Variants in RAF1 observed in about 807,000 individuals in gnomAD.
The protein encoded by RAF1 is Raf-1 proto-oncogene, serine/threonine kinase, also known as RAF proto-oncogene serine/threonine-protein kinase.
Under a neutral mutation model 81.1 loss-of-function variants are expected in RAF1, and 27 were observed. The ratio of observed to expected loss-of-function variants is 0.33; its 90% CI spans 0.25 to 0.46. The LOEUF (loss-of-function observed/expected upper bound fraction) is 0.46. RAF1 is among the 20% of genes least tolerant of loss of function. The pLI is 1.00. For synonymous variants in RAF1, 298 were observed against 294.0 expected (o/e 1.01, Z -0.14); for missense variants, 598 against 826.0 (o/e 0.72, Z 3.38).
At chr3:12,626,735 A>G (rs1403721930) in intron 1 of RAF1, among the ~76,000 whole-genome samples, 1 of 152,102 alleles carries the variant, frequency 6.6e-6, no homozygotes, top group Admixed American at 6.6e-5. Context: ...TTTTTTAAAG[A>G]TAACTTCGCC....
intron 1 of RAF1, among the ~76,000 whole-genome samples, chr3:12,639,623 T>C (rs1004093927): frequency 1.3e-5 from 2 of 152,078 alleles, no homozygotes; most frequent in East Asian, 1.9e-4. Flanking sequence ...TCATTCACAA[T>C]TGCTTCAAAG....
Position 12,610,803 on chromosome 3 carries a change from C to T in RAF1, c.320+1147G>A, listed in dbSNP as rs531399802. On this transcript the variant is annotated intron_variant, in intron 3 of 17. Coordinates refer to ENST00000442415, the MANE Select transcript of RAF1 (RefSeq NM_001354689.3). ...CCCTTTAAAGGTTTCCCTATATTTT[C>T]GGGGTGGAGGGAATAATGGATAATG... Among the ~76,000 whole-genome samples, 8 of 152,226 alleles carry T rather than the reference C, an allele frequency of 5.3e-5. No homozygotes were observed. The South Asian group carries it at 1.2e-3, about 24-fold the overall frequency.
intron 2 of RAF1, among the ~76,000 whole-genome samples, chr3:12,614,478 G>A (rs1404896330): frequency 2.6e-5 from 4 of 151,962 alleles, no homozygotes; most frequent in Admixed American, 1.3e-4. Flanking sequence ...TGTCATCTAG[G>A]CTGGAATACA....
chr3:12,636,221 G>A (rs2060025149), intron 1 of RAF1, among the ~76,000 whole-genome samples: 1 of 151,744 alleles, frequency 6.6e-6, no homozygotes, highest in South Asian at 2.1e-4. Context: ...GGGAGGCAGA[G>A]GTTGCAGTGA....
chr3:12,635,789 C>T (rs1173170001), intron 1 of RAF1, among the ~76,000 whole-genome samples: 21 of 150,790 alleles, frequency 1.4e-4, no homozygotes, highest in African/African-American at 4.1e-4. Flanking sequence ...CTGGCTAACA[C>T]GGTGAAACCC....
chr3:12,584,513 A>G lies in RAF1; in HGVS notation c.*1T>C, dbSNP rs2058253711. 5.0e-6 allele frequency: 8 copies of G among 1,614,100 alleles called. No individual in the cohort carries two copies. The highest frequency in any genetic ancestry group is 1.3e-5 in the African/African-American group (1 of 74,928). Reference sequence around the variant, plus strand: ...CAGCCTGAAGACAGGTGCAAAGTCAACTAGAAGACAGGCAGCCTCGGGGAC... The same window carrying G: ...CAGCCTGAAGACAGGTGCAAAGTCAGCTAGAAGACAGGCAGCCTCGGGGAC... On this transcript the variant is annotated 3_prime_UTR_variant, in exon 18 of 18. Coordinates refer to ENST00000442415, the MANE Select transcript of RAF1 (RefSeq NM_001354689.3).
intron 2 of RAF1, among the ~76,000 whole-genome samples, chr3:12,617,864 G>C (rs1352330030): frequency 7.5e-6 from 1 of 132,854 alleles, no homozygotes; most frequent in Non-Finnish European, 1.5e-5. Context: ...GGGTGACAGA[G>C]TGAGAATCCG....
rs1199727149 is a variant in RAF1, at chr3:12,635,659, A to AAGAGAG, written c.-26-16918_-26-16913dup. Among the ~76,000 whole-genome samples, 10 of 123,736 alleles carry AAGAGAG rather than the reference A, an allele frequency of 8.1e-5. No homozygotes were observed. The Admixed American group carries it at 8.6e-4, about 11-fold the overall frequency. 81.2% of individuals were successfully genotyped at this position (123,736 alleles called of 152,430 possible). A position where few individuals can be genotyped will look rare whatever the true frequency, so the allele number is the denominator to read the frequency against. ...CTCCAAAAAAAAAAAAAAAAAAAAA[A>AAGAGAG]AGAGAGAGAGAGATTACTTTATAAA... On this transcript the variant is annotated intron_variant, in intron 1 of 17. Transcript: ENST00000442415.
chr3:12,592,913 G>A (rs2058564435), intron 11 of RAF1, among the ~76,000 whole-genome samples: 1 of 150,328 alleles, frequency 6.7e-6, no homozygotes, highest in Non-Finnish European at 1.5e-5. Context: ...TTTTTTGTGT[G>A]TGTTTTTAGT....
chr3:12,613,565 A>C (rs866127588), intron 2 of RAF1, among the ~76,000 whole-genome samples: 1 of 152,158 alleles, frequency 6.6e-6, no homozygotes, highest in African/African-American at 2.4e-5. Context: ...AGCCACCTCA[A>C]TGCCAATCCA....
intron 1 of RAF1, among the ~76,000 whole-genome samples, chr3:12,648,689 T>C (rs2060427693): frequency 6.6e-6 from 1 of 152,006 alleles, no homozygotes; most frequent in Admixed American, 6.6e-5. Flanking sequence ...GAGGTGGCTG[T>C]GAGCCGAGAT....
intron 1 of RAF1, among the ~76,000 whole-genome samples, chr3:12,629,354 C>T (rs1191668717): frequency 3.3e-5 from 5 of 152,126 alleles, no homozygotes; most frequent in Non-Finnish European, 7.3e-5. Context: ...CTAAAACTCA[C>T]TAGGCAACAA....
At chr3:12,636,819 A>G (rs1282978050) in intron 1 of RAF1, among the ~76,000 whole-genome samples, 1 of 152,124 alleles carries the variant, frequency 6.6e-6, no homozygotes, top group Admixed American at 6.6e-5. Context: ...AAAAAAAAGA[A>G]AGAAAGAAAA....
chr3:12,619,997 G>A (rs1402238520), intron 1 of RAF1, among the ~76,000 whole-genome samples: 1 of 152,002 alleles, frequency 6.6e-6, no homozygotes, highest in Admixed American at 6.6e-5. Flanking sequence ...CAGGGGAATG[G>A]CGTGAACCCG....
intron 1 of RAF1, among the ~76,000 whole-genome samples, chr3:12,620,633 G>C (rs117924024): frequency 6.6e-6 from 1 of 151,946 alleles, no homozygotes; most frequent in Non-Finnish European, 1.5e-5. Context: ...ACCATGCCCA[G>C]CTAATTTTTA....
intron 2 of RAF1, among the ~76,000 whole-genome samples, chr3:12,615,202 C>T (rs954512650): frequency 2.6e-5 from 4 of 152,154 alleles, no homozygotes; most frequent in African/African-American, 9.7e-5. Context: ...TAGTGGTCCT[C>T]GGCTCCAGTC....
In RAF1 at chr3:12,584,472, TCTC is replaced by T. The variant is rs772245311; in HGVS notation, c.*39_*41del. 23 of 1,613,684 alleles carry T rather than the reference TCTC, an allele frequency of 1.4e-5. No individual in the cohort carries two copies. The highest frequency in any genetic ancestry group is 1.2e-4 in the African/African-American group (9 of 75,012). Reference sequence around the variant, plus strand: ...AGCAGAAAAGTGGTGCCTGCTGGCTTCTCCTCCTCCCCTGGCAGCCTGAAGACA... The same window carrying T: ...AGCAGAAAAGTGGTGCCTGCTGGCTTCTCCTCCCCTGGCAGCCTGAAGACA... On this transcript the variant is annotated 3_prime_UTR_variant, in exon 18 of 18. Transcript: ENST00000442415.
rs369214831 is a variant in RAF1 at position 12,641,652 on chromosome 3, C to T, written c.-27+22161G>A. On this transcript the variant is annotated intron_variant, in intron 1 of 17. Transcript: ENST00000442415. ...GACCACAGGCATGTGCCACCATATCCGGCTAATTTTTGCTTTTTTCATAGA... is the reference window on the plus strand; with the variant it reads ...GACCACAGGCATGTGCCACCATATCTGGCTAATTTTTGCTTTTTTCATAGA... Among the ~76,000 whole-genome samples the T allele has an allele frequency of 1.3e-4, 20 of 151,912 alleles. 2 individuals carry two copies. Among genetic ancestry groups the T allele is most frequent in the Admixed American group, 3.3e-4 (5 of 15,230 alleles).
intron 1 of RAF1, among the ~76,000 whole-genome samples, chr3:12,636,339 T>C (rs1408375953): frequency 6.7e-6 from 1 of 150,312 alleles, no homozygotes; most frequent in East Asian, 2.0e-4. Context: ...ACCAAGCTAC[T>C]TGGGAGGCTG....
Sources: allele counts gnomAD v4.1 joint callset (sites outside exome capture counted in the v4.1 genomes callset), GRCh38; gene constraint gnomAD v4.1.1; transcripts MANE v1.5; gene names NCBI Gene and HGNC (gene_info 2026-07-23, HGNC 2026-07-21).